The following CPN1 variants were observed in gnomAD, a reference collection of about 807,000 sequenced individuals.
CPN1 encodes the protein carboxypeptidase N catalytic chain.
Under a neutral mutation model 46.4 loss-of-function variants are expected in CPN1, and 37 were observed. That is an observed-to-expected ratio of 0.80 (90% CI 0.61 to 1.05). The LOEUF is 1.05. Ranked by LOEUF, CPN1 falls within the 50% of genes least tolerant of loss-of-function variation. The pLI is 0.00. For synonymous variants in CPN1, 224 were observed against 235.4 expected (o/e 0.95, Z 0.44); for missense variants, 563 against 602.6 (o/e 0.93, Z 0.69).
chr10:100,058,129 C>T (rs1239448777), intron 5 of CPN1, among the ~76,000 whole-genome samples: 1 of 152,126 alleles, frequency 6.6e-6, no homozygotes, highest in Admixed American at 6.6e-5. Context: ...AGTTTCGTTT[C>T]CTCTCTTCAT....
intron 1 of CPN1, among the ~76,000 whole-genome samples, chr10:100,077,459 G>A (rs1293283996): frequency 2.6e-5 from 4 of 152,022 alleles, no homozygotes; most frequent in Admixed American, 1.3e-4. Context: ...TCAAACTCCC[G>A]ACTTCAGGTG....
At chr10:100,056,547 T>G (rs2041385505) in intron 6 of CPN1, among the ~76,000 whole-genome samples, 1 of 152,148 alleles carries the variant, frequency 6.6e-6, no homozygotes, top group Admixed American at 6.6e-5. Flanking sequence ...CAAATAGTTG[T>G]GCTTGATAAT....
chr10:100,067,236 C>G (rs192814560), intron 3 of CPN1, among the ~76,000 whole-genome samples: 91 of 152,208 alleles, frequency 6.0e-4, no homozygotes, highest in Middle Eastern at 3.4e-3. Flanking sequence ...CCTGCTTCAG[C>G]CTCCCAAGTA....
Position 100,076,077 on chromosome 10 carries a change from A to T in CPN1, c.254T>A (p.Met85Lys). Residue 85 changes from methionine to lysine, a missense_variant, in exon 2 of 9, where the codon ATG becomes AAG. Met to Lys is a moderately conservative substitution (Grantham distance 95, BLOSUM62 -1). Transcript: ENST00000370418. The stretch of plus-strand genomic sequence containing the variant: ...GCGGCCCAACGCTTCGTTGCCGTGC[A>T]TGTTCCCCACATACTTGACCTCTGG... ...LEPEVKYVGN[M>K]HGNEALGREL... 6.2e-7 allele frequency: 1 copy of T among 1,614,218 alleles called. No homozygotes were observed.
intron 5 of CPN1, among the ~76,000 whole-genome samples, chr10:100,061,076 A>G (rs1315512778): frequency 1.3e-5 from 2 of 149,288 alleles, no homozygotes; most frequent in African/African-American, 4.9e-5. Flanking sequence ...GATGGTTACC[A>G]GAGGCTGGGA....
rs1200465008 is a variant in CPN1 at position 100,081,706 on chromosome 10, C to G, written c.-81G>C. The G allele has an allele frequency of 6.0e-6, 7 of 1,173,422 alleles. No individual in the cohort carries two copies. Among genetic ancestry groups the G allele is most frequent in the Admixed American group, 5.7e-5 (3 of 52,478 alleles). 72.7% of individuals were successfully genotyped at this position (1,173,422 alleles called of 1,614,324 possible). ...CCTAGCCTCTTCACCCGCCAAAATC[C>G]AAGGTCCACCTAGCTTCCCGCTTGT... On this transcript the variant is annotated 5_prime_UTR_variant, in exon 1 of 9. Transcript: ENST00000370418.
At chr10:100,061,187 T>C (rs1032383406) in intron 5 of CPN1, among the ~76,000 whole-genome samples, 2 of 152,130 alleles carry the variant, frequency 1.3e-5, no homozygotes, top group African/African-American at 4.8e-5. Flanking sequence ...TCAGCAATAA[T>C]TTGCTGTAAC....
chr10:100,078,143 G>A (rs1471196902), intron 1 of CPN1, among the ~76,000 whole-genome samples: 1 of 151,986 alleles, frequency 6.6e-6, no homozygotes, highest in Non-Finnish European at 1.5e-5. Context: ...GAATTTCTCA[G>A]TTCAAGCCAT....
At chr10:100,047,166 G>A (rs2041319231) in intron 8 of CPN1, among the ~76,000 whole-genome samples, 1 of 152,120 alleles carries the variant, frequency 6.6e-6, no homozygotes, top group African/African-American at 2.4e-5. Flanking sequence ...GTCTGAGGCT[G>A]CAGTGAGCCA....
chr10:100,053,114 T>C (rs1216539269), intron 7 of CPN1, among the ~76,000 whole-genome samples: 1 of 152,204 alleles, frequency 6.6e-6, no homozygotes, highest in Admixed American at 6.5e-5. Context: ...TGTCCAGACA[T>C]TTGGCTAATA....
At chr10:100,050,540 A>C (rs1257401267) in intron 7 of CPN1, among the ~76,000 whole-genome samples, 1 of 152,160 alleles carries the variant, frequency 6.6e-6, no homozygotes, top group African/African-American at 2.4e-5. Context: ...GGTTGGACAA[A>C]AAGCTGCCGG....
chr10:100,050,140 G>A (rs1248811621), intron 7 of CPN1, among the ~76,000 whole-genome samples: 1 of 152,130 alleles, frequency 6.6e-6, no homozygotes, highest in Non-Finnish European at 1.5e-5. Flanking sequence ...ATCACCTGAG[G>A]TCAGGAGTTT....
At chr10:100,076,662 A>G (rs181994209) in intron 1 of CPN1, among the ~76,000 whole-genome samples, 4 of 152,350 alleles carry the variant, frequency 2.6e-5, no homozygotes, top group Non-Finnish European at 5.9e-5. Flanking sequence ...TTCTTGCTCC[A>G]TCTGAACAAG....
At chr10:100,050,584 G>C (rs1427371093) in intron 7 of CPN1, among the ~76,000 whole-genome samples, 2 of 152,098 alleles carry the variant, frequency 1.3e-5, no homozygotes, top group Non-Finnish European at 2.9e-5. Flanking sequence ...ATATTCAATG[G>C]GAAGGCTGGA....
rs186882287 is a variant in CPN1, at chr10:100,054,878, G to A, written c.1012-432C>T. 1.7e-3 allele frequency among the ~76,000 whole-genome samples: 220 copies of A among 128,106 alleles called. 1 individual carries two copies. Among genetic ancestry groups the A allele is most frequent in the African/African-American group, 6.3e-3 (211 of 33,620 alleles). 84.0% of individuals were successfully genotyped at this position (128,106 alleles called of 152,430 possible). Reference sequence around the variant, plus strand: ...TTTTTTTTAATTTTTTTTATTTGCTGTGACAGACTATAGTAAAATACACAT... The same window carrying A: ...TTTTTTTTAATTTTTTTTATTTGCTATGACAGACTATAGTAAAATACACAT... On this transcript the variant is annotated intron_variant, in intron 6 of 8. Transcript: ENST00000370418.
rs1253645366 is a variant in CPN1 at position 100,065,336 on chromosome 10, A to G, written c.611T>C (p.Met204Thr). 6.2e-7 allele frequency: 1 copy of G among 1,614,172 alleles called. No individual in the cohort carries two copies. The highest frequency in any genetic ancestry group is 8.5e-7 in the Non-Finnish European group (1 of 1,180,026). ...TGAAAGAACAAAGTTGAAGGAGTGC[A>G]TCCACCGGATCACCGCCCGGGTCTC... ...EPETRAVIRW[M>T]HSFNFVLSAN... Residue 204 changes from methionine to threonine, a missense_variant, in exon 4 of 9, where the codon ATG becomes ACG. By Grantham distance (81) the Met-to-Thr change is moderately conservative. Transcript: ENST00000370418.
In CPN1 at chr10:100,065,259, A is replaced by G; in HGVS notation, c.688T>C (p.Phe230Leu). Residue 230 changes from phenylalanine (F) to leucine (L), a missense_variant, in exon 4 of 9, where the codon TTT becomes CTT. Transcript: ENST00000370418. ...VVANYPYDKS[F>L]EHRVRGVRRT... ...CGGACCCCTCGGACCCGGTGCTCAAAGGACTTGTCATACGGGTAATTGGCC... is the reference window on the plus strand; with the variant it reads ...CGGACCCCTCGGACCCGGTGCTCAAGGGACTTGTCATACGGGTAATTGGCC... The G allele has an allele frequency of 6.2e-7, 1 of 1,614,140 alleles. No homozygotes were observed. The highest frequency in any genetic ancestry group is 8.5e-7 in the Non-Finnish European group (1 of 1,180,026).
intron 7 of CPN1, among the ~76,000 whole-genome samples, chr10:100,049,556 C>A (rs1180530366): frequency 6.6e-6 from 1 of 152,158 alleles, no homozygotes. Flanking sequence ...AGCCACCGAG[C>A]CCGGCCGTCT....
intron 7 of CPN1, among the ~76,000 whole-genome samples, chr10:100,051,391 T>C (rs2041351970): frequency 6.6e-6 from 1 of 151,964 alleles, no homozygotes; most frequent in East Asian, 1.9e-4. Context: ...GGTTAGCGAG[T>C]GTTGTATCAG....
Sources: allele counts gnomAD v4.1 joint callset (sites outside exome capture counted in the v4.1 genomes callset), GRCh38; gene constraint gnomAD v4.1.1; transcripts MANE v1.5; gene names NCBI Gene and HGNC (gene_info 2026-07-23, HGNC 2026-07-21).